ABCB4: variants seen among roughly 807,000 people sequenced by gnomAD.
The protein encoded by ABCB4 is phosphatidylcholine translocator ABCB4.
In ABCB4, 76 loss-of-function variants were observed where a neutral mutation model predicts 145.7. The ratio of observed to expected loss-of-function variants is 0.52; its 90% CI spans 0.43 to 0.63. The LOEUF (loss-of-function observed/expected upper bound fraction) is 0.63. Ranked by LOEUF, ABCB4 falls within the 30% of genes least tolerant of loss-of-function variation. The probability of loss-of-function intolerance (pLI) is 0.00; values close to 1 mark genes in which losing one functional copy is unlikely to be tolerated. For missense variants in ABCB4, 1,234 were observed against 1,553.1 expected (o/e 0.79, Z 3.45); for synonymous variants, 517 against 566.8 (o/e 0.91, Z 1.25).
the ABCB4 span, among the ~76,000 whole-genome samples, chr7:87,396,690 T>TAA: frequency 0.12 from 17,196 of 148,864 alleles, 1,034 homozygotes; most frequent in South Asian, 0.13. Flanking sequence ...ATGCTGATTG[T>TAA]AAAAAAAAAA....
At chr7:87,406,683 C>T (rs550185011) in intron 25 of ABCB4, among the ~76,000 whole-genome samples, 189 bp from the exon 26 acceptor site, 1 of 152,296 alleles carries the variant, frequency 6.6e-6, no homozygotes, top group South Asian at 2.1e-4. Context: ...ATTAAGCCAT[C>T]CCTATCTTGG....
At chr7:87,386,289 C>T in the ABCB4 span, among the ~76,000 whole-genome samples, 3 of 152,174 alleles carry the variant, frequency 2.0e-5, no homozygotes, top group Non-Finnish European at 4.4e-5. Flanking sequence ...GTGAAGCCAT[C>T]AGGTCCTAAG....
chr7:87,416,860 C>A (rs1385275373), intron 21 of ABCB4, among the ~76,000 whole-genome samples: 1 of 152,188 alleles, frequency 6.6e-6, no homozygotes, highest in African/African-American at 2.4e-5. Flanking sequence ...GTGAGAACCA[C>A]AAAATTGAGG....
the ABCB4 span, among the ~76,000 whole-genome samples, chr7:87,368,495 C>T: frequency 6.6e-6 from 1 of 151,922 alleles, no homozygotes. Flanking sequence ...TATCTCATCC[C>T]CTAGGTCTTG....
the ABCB4 span, chr7:87,382,001 T>G: frequency 1.3e-6 from 2 of 1,593,200 alleles, no homozygotes. Flanking sequence ...AAGGTATGTT[T>G]GAATAAATAT....
At chr7:87,473,741 G>A (rs190222521) in intron 2 of ABCB4, among the ~76,000 whole-genome samples, 1 of 152,150 alleles carries the variant, frequency 6.6e-6, no homozygotes, top group East Asian at 1.9e-4. Flanking sequence ...GTGTGTGTGT[G>A]TGTGTATGAT....
At chr7:87,413,097 G>C (rs1808736682) in intron 22 of ABCB4, among the ~76,000 whole-genome samples, 1 of 152,226 alleles carries the variant, frequency 6.6e-6, no homozygotes, top group Non-Finnish European at 1.5e-5. Context: ...GTGGAAATGA[G>C]TGGCAAATGG....
the ABCB4 span, among the ~76,000 whole-genome samples, chr7:87,365,989 T>C: frequency 1.3e-5 from 2 of 152,138 alleles, no homozygotes; most frequent in Non-Finnish European, 2.9e-5. Context: ...GTTTACCACA[T>C]TTACACAAAA....
At chr7:87,424,376 A>G (rs1944036294) in intron 16 of ABCB4, among the ~76,000 whole-genome samples, 1 of 152,166 alleles carries the variant, frequency 6.6e-6, no homozygotes, top group Non-Finnish European at 1.5e-5. Context: ...GAGTTACACA[A>G]CACTGTATTG....
At chr7:87,453,177 T>C (rs758691503) in intron 5 of ABCB4, 42 bp from the exon 6 acceptor site, 2 of 1,583,114 alleles carry the variant, frequency 1.3e-6, no homozygotes, top group Non-Finnish European at 8.7e-7. Context: ...CCTTCTCTTT[T>C]CTTTTTTCTT....
At chr7:87,410,981 G>A (rs1808577211) in intron 23 of ABCB4, among the ~76,000 whole-genome samples, 1 of 152,066 alleles carries the variant, frequency 6.6e-6, no homozygotes, top group Non-Finnish European at 1.5e-5. Flanking sequence ...TTCCAGCTGG[G>A]TATTGCTGGG....
intron 15 of ABCB4, among the ~76,000 whole-genome samples, chr7:87,429,914 T>TTA (rs201172032): frequency 3.6e-5 from 5 of 139,194 alleles, no homozygotes; most frequent in African/African-American, 1.1e-4. Flanking sequence ...TTTTTTTTTT[T>TTA]AAAAAAAAAA....
the ABCB4 span, chr7:87,382,316 G>T: frequency 6.2e-6 from 9 of 1,447,874 alleles, no homozygotes; most frequent in Non-Finnish European, 8.5e-6. Flanking sequence ...AATTCTTTAT[G>T]TCTGGTGATT....
At chr7:87,394,422 T>C in the ABCB4 span, among the ~76,000 whole-genome samples, 4 of 152,164 alleles carry the variant, frequency 2.6e-5, no homozygotes, top group Admixed American at 2.6e-4. Context: ...ATACTGCAAG[T>C]GCTCCCAAGA....
chr7:87,401,518 T>TA (rs1289339711), downstream of ABCB4, among the ~76,000 whole-genome samples: 3 of 152,136 alleles, frequency 2.0e-5, no homozygotes, highest in South Asian at 2.1e-4. Flanking sequence ...TTTAAAACTT[T>TA]AAAAAAATAC....
the ABCB4 span, chr7:87,392,684 T>C: frequency 1.9e-6 from 3 of 1,610,096 alleles, no homozygotes; most frequent in Non-Finnish European, 2.5e-6. Context: ...AAATCTCTCA[T>C]GGTGAAAAAT....
At position 87,408,055 on chromosome 7, in the gene ABCB4, G is replaced by T; in HGVS notation, c.3261C>A (p.Asp1087Glu). 1 of 1,613,962 alleles carries T rather than the reference G, an allele frequency of 6.2e-7. No homozygotes were observed. The highest frequency in any genetic ancestry group is 8.5e-7 in the Non-Finnish European group (1 of 1,180,020). ...TGCTCACCACTGTCCCCGCCAAGGG[G>T]TCGTAGAACCGCTCCAGGAGCTGGA... The part of the protein sequence containing the change: ...TVVQLLERFY[D>E]PLAGTVLLDG... The change falls in exon 25 of 28, where the codon GAC (aspartate) becomes GAA (glutamate). Residue 1087 changes from aspartate to glutamate, a missense_variant. Asp to Glu is a conservative substitution (Grantham distance 45). This residue lies in a region of ABCB4 where 301 missense variants were observed against 389.0 expected (regional missense o/e 0.77). Transcript: ENST00000649586.
At position 87,404,818 on chromosome 7, in the gene ABCB4, T is replaced by C. The variant is rs921390774; in HGVS notation, c.3486+1470A>G. The stretch of plus-strand genomic sequence containing the variant: ...AATGCATATTAAAGCCACAGTGATG[T>C]ATCACTACACTCTTATCAGAGTGGT... On this transcript the variant is annotated intron_variant, in intron 26 of 27. Transcript: ENST00000649586. Among the ~76,000 whole-genome samples the C allele has an allele frequency of 2.0e-5, 3 of 152,202 alleles. No individual in the cohort carries two copies. The South Asian group carries it at 6.2e-4, about 31-fold the overall frequency.
intron 14 of ABCB4, among the ~76,000 whole-genome samples, chr7:87,433,763 G>A (rs1191728926): frequency 6.7e-6 from 1 of 148,348 alleles, no homozygotes; most frequent in African/African-American, 2.5e-5. Context: ...AGGGACACCA[G>A]CTATTATGAA....
Sources: gnomAD v4.1 joint callset for allele counts (sites outside exome capture counted in the v4.1 genomes callset) on GRCh38, gnomAD v4.1.1 for gene constraint, gnomAD v4.1.1 regional missense constraint, MANE v1.5 for transcripts, NCBI Gene and HGNC (gene_info 2026-07-23, HGNC 2026-07-21) for gene names.